The following SCFD1 variants were observed in gnomAD, a reference collection of about 807,000 sequenced individuals.
SCFD1 encodes the protein sec1 family domain-containing protein 1.
A neutral mutation model predicts 103.2 loss-of-function variants in SCFD1; 37 were observed. The ratio of observed to expected loss-of-function variants is 0.36; its 90% CI spans 0.28 to 0.47. The LOEUF (loss-of-function observed/expected upper bound fraction) is 0.47, where lower values mean the gene tolerates loss of function less well. Among genes scored for constraint, SCFD1 ranks in the 20% least tolerant of loss-of-function variants. SCFD1 has a pLI of 1.00. For missense variants in SCFD1, 639 were observed against 761.2 expected, an observed-to-expected ratio of 0.84 and a Z score of 1.89; for synonymous variants, 264 against 245.0, an observed-to-expected ratio of 1.08 and a Z score of -0.73.
chr14:30,674,074 T>C, intron 13 of SCFD1, 77 bp downstream of exon 13: 1 of 970,286 alleles, frequency 1.0e-6, no homozygotes, highest in Non-Finnish European at 1.6e-6. Flanking sequence ...AAATTGTTAA[T>C]GTTTTTAACT....
At chr14:30,642,103 C>A (rs1448454657) in intron 6 of SCFD1, among the ~76,000 whole-genome samples, 1 of 151,948 alleles carries the variant, frequency 6.6e-6, no homozygotes, top group African/African-American at 2.4e-5. Context: ...CCCCCGCCAC[C>A]CCGAGACAGA....
intron 16 of SCFD1, 144 bp downstream of exon 16, chr14:30,700,402 GT>G: frequency 1.6e-6 from 1 of 640,832 alleles, no homozygotes; most frequent in Non-Finnish European, 2.7e-6. Flanking sequence ...GCCAGGCGTG[GT>G]GACTCACACC....
intron 23 of SCFD1, among the ~76,000 whole-genome samples, chr14:30,723,777 TTTTC>T (rs557025736): frequency 1.3e-3 from 196 of 152,336 alleles, no homozygotes; most frequent in African/African-American, 4.5e-3. Flanking sequence ...ATGTACCACA[TTTTC>T]TTTGTCTAGT....
At chr14:30,650,773 G>T in intron 9 of SCFD1, 123 bp downstream of exon 9, 1 of 591,496 alleles carries the variant, frequency 1.7e-6, no homozygotes, top group Non-Finnish European at 3.0e-6. Context: ...GAGCTAATCA[G>T]GATCAAGGTT....
chr14:30,703,447 G>C (rs1165347465), intron 17 of SCFD1, among the ~76,000 whole-genome samples: 1 of 150,442 alleles, frequency 6.6e-6, no homozygotes, highest in Non-Finnish European at 1.5e-5. Context: ...AGTTGAAATG[G>C]CATACAACTA....
At chr14:30,720,082 A>G (rs1387822945) in intron 21 of SCFD1, among the ~76,000 whole-genome samples, 1 of 152,142 alleles carries the variant, frequency 6.6e-6, no homozygotes, top group Non-Finnish European at 1.5e-5. Flanking sequence ...TCAGAACTTT[A>G]CATTTGCTGT....
chr14:30,708,195 T>A, intron 19 of SCFD1, 130 bp downstream of exon 19: 2 of 630,272 alleles, frequency 3.2e-6, no homozygotes, highest in Non-Finnish European at 5.5e-6. Context: ...AGGAGTTCCT[T>A]TTTTTTTAAG....
intron 18 of SCFD1, 28 bp from the exon 19 acceptor site, chr14:30,707,962 A>G (rs759464182): frequency 2.3e-5 from 34 of 1,501,496 alleles, no homozygotes; most frequent in Non-Finnish European, 2.9e-5. Context: ...TGTACTTAGA[A>G]TGGTCCTTCT....
At chr14:30,721,821 A>G in intron 21 of SCFD1, 63 bp from the exon 22 acceptor site, 1 of 1,305,170 alleles carries the variant, frequency 7.7e-7, no homozygotes, top group Non-Finnish European at 1.1e-6. Flanking sequence ...TATTTCCCAT[A>G]CCTATTTTAT....
intron 13 of SCFD1, 94 bp downstream of exon 13, chr14:30,674,091 A>G (rs189364291): frequency 2.5e-6 from 2 of 803,984 alleles, no homozygotes; most frequent in Non-Finnish European, 2.0e-6. Flanking sequence ...AACTAGTAGG[A>G]AACTGTAGGC....
At chr14:30,728,833 TG>T (rs1893233800) in intron 23 of SCFD1, among the ~76,000 whole-genome samples, 1 of 147,722 alleles carries the variant, frequency 6.8e-6, no homozygotes, top group Non-Finnish European at 1.5e-5. Context: ...TTAGATCCTT[TG>T]TCCCTTTTTT....
At chr14:30,714,871 T>C (rs1418210421) in intron 19 of SCFD1, among the ~76,000 whole-genome samples, 3 of 152,242 alleles carry the variant, frequency 2.0e-5, no homozygotes, top group East Asian at 1.9e-4. Flanking sequence ...TCATTAGGAA[T>C]GCACTTTGAA....
At chr14:30,682,590 C>T (rs754192525) in intron 14 of SCFD1, among the ~76,000 whole-genome samples, 2 of 152,178 alleles carry the variant, frequency 1.3e-5, no homozygotes, top group African/African-American at 4.8e-5. Flanking sequence ...AGTTATCTTG[C>T]AGGGCACTAT....
intron 14 of SCFD1, among the ~76,000 whole-genome samples, chr14:30,684,428 T>C (rs1347102009): frequency 6.6e-6 from 1 of 152,250 alleles, no homozygotes; most frequent in Non-Finnish European, 1.5e-5. Flanking sequence ...GTCAAATGTC[T>C]TACACAATCT....
chr14:30,660,233 C>T (rs1339330873), intron 10 of SCFD1, among the ~76,000 whole-genome samples: 1 of 152,076 alleles, frequency 6.6e-6, no homozygotes, highest in Non-Finnish European at 1.5e-5. Flanking sequence ...GGTCATTTTT[C>T]TATAGAATTT....
chr14:30,730,566 T>C (rs1205594952), intron 23 of SCFD1, among the ~76,000 whole-genome samples: 1 of 152,210 alleles, frequency 6.6e-6, no homozygotes, highest in African/African-American at 2.4e-5. Context: ...TGGTGTGAGA[T>C]GTATCTCATT....
chr14:30,704,373 G>A (rs900301942), intron 17 of SCFD1, among the ~76,000 whole-genome samples: 2 of 152,204 alleles, frequency 1.3e-5, no homozygotes, highest in African/African-American at 4.8e-5. Flanking sequence ...CATTTTTAGA[G>A]ATACAGTTTT....
intron 19 of SCFD1, 33 bp downstream of exon 19, chr14:30,708,098 CT>C: frequency 7.2e-7 from 1 of 1,391,630 alleles, no homozygotes. Flanking sequence ...ATACTGGTAA[CT>C]TTTAAACATA....
intron 15 of SCFD1, among the ~76,000 whole-genome samples, chr14:30,698,919 C>T (rs571820561): frequency 9.2e-5 from 14 of 152,290 alleles, no homozygotes; most frequent in Non-Finnish European, 1.8e-4. Flanking sequence ...TAGAAGACGA[C>T]CTCCCAGTCC....
Sources: gnomAD v4.1 joint callset for allele counts (sites outside exome capture counted in the v4.1 genomes callset) on GRCh38, gnomAD v4.1.1 for gene constraint, MANE v1.5 for transcripts, NCBI Gene and HGNC (gene_info 2026-07-23, HGNC 2026-07-21) for gene names.